Variants in MAST2 observed in about 807,000 individuals in gnomAD.
MAST2 encodes microtubule-associated serine/threonine-protein kinase 2.
A neutral mutation model predicts 147.4 loss-of-function variants in MAST2; 70 were observed. That is an observed-to-expected ratio of 0.47 (90% CI 0.39 to 0.58). The LOEUF is 0.58. Ranked by LOEUF, MAST2 falls within the 20% of genes least tolerant of loss-of-function variation. The pLI, the probability that MAST2 is intolerant of heterozygous loss-of-function variation, is 0.00. For synonymous variants in MAST2, 869 were observed against 896.8 expected (o/e 0.97, Z 0.55); for missense variants, 2,080 against 2,302.3 (o/e 0.90, Z 1.98).
At chr1:45,878,613 A>T (rs963770874) in intron 3 of MAST2, among the ~76,000 whole-genome samples, 1 of 152,152 alleles carries the variant, frequency 6.6e-6, no homozygotes, top group African/African-American at 2.4e-5. Flanking sequence ...AATCTAAGGA[A>T]TGTACAAAAC....
At chr1:45,933,928 T>C (rs34981349) in intron 4 of MAST2, among the ~76,000 whole-genome samples, 14,497 of 151,978 alleles carry the variant, frequency 0.095, 874 homozygotes, top group Middle Eastern at 0.14. Flanking sequence ...TCCCCAACTT[T>C]AGCTTTAGGG....
intron 4 of MAST2, among the ~76,000 whole-genome samples, chr1:45,906,568 T>TTATATGTTATTATTATATAATGTTG (rs1650762019): frequency 6.7e-6 from 1 of 149,198 alleles, no homozygotes; most frequent in South Asian, 2.1e-4. Flanking sequence ...TGTACAATGT[T>TTATATGTTATTATTATATAATGTTG]TATATGTTAT....
chr1:45,857,861 T>G lies in MAST2; in HGVS notation c.469-24503T>G, dbSNP rs1200248163. On this transcript the variant is annotated intron_variant, in intron 3 of 28. Coordinates refer to ENST00000361297, the MANE Select transcript of MAST2 (RefSeq NM_015112.3). ...TGAGAACATGCGGTGTTTTTTTTTT[T>G]TTTTTTTTTTTTGTCCTTGCGATAG... Among the ~76,000 whole-genome samples the G allele has an allele frequency of 4.5e-3, 661 of 148,232 alleles. 4 individuals carry two copies. Among genetic ancestry groups the G allele is most frequent in the African/African-American group, 0.015 (607 of 39,980 alleles).
At chr1:46,014,843 A>C (rs1306854825) in intron 10 of MAST2, among the ~76,000 whole-genome samples, 1 of 152,082 alleles carries the variant, frequency 6.6e-6, no homozygotes, top group Non-Finnish European at 1.5e-5. Context: ...CATCTACAGA[A>C]CCCTCCACCC....
chr1:45,998,899 T>C (rs1645162559), intron 6 of MAST2, among the ~76,000 whole-genome samples: 1 of 152,102 alleles, frequency 6.6e-6, no homozygotes, highest in African/African-American at 2.4e-5. Context: ...AGCTAATTTC[T>C]TTTTTTGTAT....
intron 4 of MAST2, among the ~76,000 whole-genome samples, chr1:45,948,984 G>C (rs762343654): frequency 6.6e-6 from 1 of 152,072 alleles, no homozygotes; most frequent in Non-Finnish European, 1.5e-5. Flanking sequence ...ATGGGGAAAA[G>C]ACTCCCTATT....
intron 4 of MAST2, among the ~76,000 whole-genome samples, chr1:45,894,695 C>G (rs1648441558): frequency 6.6e-6 from 1 of 152,184 alleles, no homozygotes; most frequent in Non-Finnish European, 1.5e-5. Flanking sequence ...TAAACCATGA[C>G]AGCCAAAATT....
chr1:45,959,350 G>C (rs1316904434), intron 4 of MAST2, 36 bp from the exon 5 acceptor site: 2 of 1,546,330 alleles, frequency 1.3e-6, no homozygotes, highest in East Asian at 4.5e-5. Context: ...CCCATGGTGT[G>C]GCCCTATTAT....
chr1:45,867,002 C>G (rs185397695), intron 3 of MAST2, among the ~76,000 whole-genome samples: 1 of 152,110 alleles, frequency 6.6e-6, no homozygotes, highest in Non-Finnish European at 1.5e-5. Context: ...CCACCCGCCT[C>G]GGCCTCCCAA....
intron 1 of MAST2, among the ~76,000 whole-genome samples, chr1:45,808,943 A>G (rs577075075): frequency 6.6e-6 from 1 of 152,092 alleles, no homozygotes; most frequent in South Asian, 2.1e-4. Flanking sequence ...GTTCCTTAGG[A>G]CCGTCTGCTT....
intron 7 of MAST2, among the ~76,000 whole-genome samples, chr1:46,005,071 A>C (rs760340806): frequency 5.3e-5 from 8 of 152,198 alleles, no homozygotes; most frequent in Non-Finnish European, 1.0e-4. Flanking sequence ...TGTCTCTAAA[A>C]AAACAAACAG....
chr1:46,004,813 G>A (rs985756514), intron 7 of MAST2, among the ~76,000 whole-genome samples: 5 of 152,146 alleles, frequency 3.3e-5, no homozygotes, highest in African/African-American at 1.2e-4. Flanking sequence ...TTGGCTCTGG[G>A]AGCAGTAGCT....
intron 3 of MAST2, chr1:45,847,487 C>T (rs1645477318): frequency 4.1e-6 from 3 of 731,186 alleles, no homozygotes; most frequent in Non-Finnish European, 6.8e-6. Context: ...CCTTTTCATT[C>T]TTCAATTTTT....
At position 46,023,100 on chromosome 1, in the gene MAST2, A is replaced by G. The variant is rs1488972629; in HGVS notation, c.1485+129A>G. 8.4e-7 allele frequency: 1 copy of G among 1,191,582 alleles called. No individual in the cohort carries two copies. The highest frequency in any genetic ancestry group is 1.5e-5 in the African/African-American group (1 of 66,108). 73.8% of individuals were successfully genotyped at this position (1,191,582 alleles called of 1,614,324 possible). A position where few individuals can be genotyped will look rare whatever the true frequency, so the allele number is the denominator to read the frequency against. On this transcript the variant is annotated intron_variant, in intron 13 of 28. Transcript: ENST00000361297. The surrounding 1 kb of genome is among the most constrained non-coding windows in gnomAD (Gnocchi z 4.9). ...TGGTGACAGCAAACACTGAGAAGTC[A>G]TTCTACTCCCAGAAGAATGAGCAGG...
At chr1:46,034,429 C>G in intron 28 of MAST2, 109 bp from the exon 29 acceptor site, 1 of 1,349,430 alleles carries the variant, frequency 7.4e-7, no homozygotes, top group Non-Finnish European at 1.0e-6. Flanking sequence ...AAGGGGGTAG[C>G]TTGGTTTCTG....
chr1:45,997,900 A>C (rs1311400739), intron 6 of MAST2, 101 bp downstream of exon 6: 2 of 963,578 alleles, frequency 2.1e-6, no homozygotes, highest in Admixed American at 3.5e-5. Flanking sequence ...TACTCTTTCA[A>C]GTGTATTACC....
chr1:45,976,409 C>G (rs565075396), intron 5 of MAST2, among the ~76,000 whole-genome samples: 3 of 152,162 alleles, frequency 2.0e-5, no homozygotes, highest in South Asian at 2.1e-4. Flanking sequence ...CCAGCCTGGT[C>G]GACATGATAA....
intron 4 of MAST2, 67 bp downstream of exon 4, chr1:45,882,462 C>A: frequency 8.2e-7 from 1 of 1,224,478 alleles, no homozygotes; most frequent in Non-Finnish European, 1.2e-6. Flanking sequence ...GGGAACATTT[C>A]CCACTATCAT....
At chr1:46,014,760 G>C (rs1316097386) in intron 10 of MAST2, among the ~76,000 whole-genome samples, 1 of 152,116 alleles carries the variant, frequency 6.6e-6, no homozygotes, top group Non-Finnish European at 1.5e-5. Flanking sequence ...ACATTAGACA[G>C]ATCAGCGTGA....
Sources: gnomAD v4.1 joint callset for allele counts (sites outside exome capture counted in the v4.1 genomes callset) on GRCh38, gnomAD v4.1.1 for gene constraint, Gnocchi (gnomAD v3.1) non-coding constraint, MANE v1.5 for transcripts, NCBI Gene and HGNC (gene_info 2026-07-23, HGNC 2026-07-21) for gene names.